WAPL: variants seen among roughly 807,000 people sequenced by gnomAD.
WAPL encodes wings apart-like protein homolog.
WAPL carries 5 observed loss-of-function variants against 121.0 expected under a neutral mutation model. The observed-to-expected ratio is 0.04, with a 90% CI of 0.02 to 0.09. The LOEUF (loss-of-function observed/expected upper bound fraction) is 0.09. Ranked by LOEUF, WAPL falls within the 10% of genes least tolerant of loss-of-function variation. WAPL has a pLI of 1.00. For synonymous variants in WAPL, 480 were observed against 481.5 expected, an observed-to-expected ratio of 1.00 and a Z score of 0.04; for missense variants, 999 against 1,410.8, an observed-to-expected ratio of 0.71 and a Z score of 4.68.
chr10:86,458,927 T>A (rs1336829791), intron 12 of WAPL, 62 bp downstream of exon 12: 27 of 1,374,466 alleles, frequency 2.0e-5, no homozygotes, highest in Non-Finnish European at 2.7e-5. Context: ...TCATTTATGG[T>A]CAATCCAAAT....
intron 17 of WAPL, among the ~76,000 whole-genome samples, chr10:86,440,530 A>C (rs1170851464): frequency 6.6e-6 from 1 of 151,776 alleles, no homozygotes; most frequent in Admixed American, 6.6e-5. Context: ...CGATCTCCTG[A>C]CCTTGTGATC....
intron 4 of WAPL, among the ~76,000 whole-genome samples, chr10:86,481,274 G>A (rs1297035185): frequency 1.3e-5 from 2 of 152,016 alleles, no homozygotes; most frequent in Non-Finnish European, 2.9e-5. Flanking sequence ...TACTGGGGAA[G>A]ATCTACATGA....
At chr10:86,508,013 T>C (rs1400430946) in intron 2 of WAPL, among the ~76,000 whole-genome samples, 2 of 152,178 alleles carry the variant, frequency 1.3e-5, no homozygotes, top group Non-Finnish European at 2.9e-5. Flanking sequence ...TATTCTGTAT[T>C]CTGTCCAGGT....
intron 4 of WAPL, among the ~76,000 whole-genome samples, chr10:86,489,354 C>T (rs1841992688): frequency 6.6e-6 from 1 of 152,170 alleles, no homozygotes; most frequent in African/African-American, 2.4e-5. Context: ...GTGGATTAGA[C>T]AATGGATTAC....
chr10:86,509,151 C>T lies in WAPL; in HGVS notation c.500-8408G>A, dbSNP rs372953786. Among the ~76,000 whole-genome samples the T allele has an allele frequency of 1.5e-3, 228 of 152,278 alleles. 1 individual carries two copies. The highest frequency in any genetic ancestry group is 5.4e-3 in the African/African-American group (223 of 41,560). ...CAGATAATATTTATATACTGAATTT[C>T]GAATTAATTGTCTCTAATCAAGGCT... On this transcript the variant is annotated intron_variant, in intron 2 of 18. Coordinates refer to ENST00000298767, the MANE Select transcript of WAPL (RefSeq NM_015045.5).
rs1589513447 is a variant in WAPL at position 86,472,499 on chromosome 10, T to G, written c.1893+113A>C. On this transcript the variant is annotated intron_variant, in intron 6 of 18. Coordinates refer to ENST00000298767, the MANE Select transcript of WAPL (RefSeq NM_015045.5). This position sits in a 1 kb window ranked among gnomAD's most constrained non-coding sequence, Gnocchi z 4.2. ...GGATGATGGTAGGACAAAAGAAGTT[T>G]GTGGTTCAAAACTGAGTATCAGTAT... is the stretch of plus-strand genomic sequence containing the variant. 4 of 1,516,000 alleles carry G rather than the reference T, an allele frequency of 2.6e-6. No homozygotes were observed. The highest frequency in any genetic ancestry group is 4.6e-5 in the East Asian group (2 of 43,398). The allele number at this position is 1,516,000 out of a possible 1,614,324, so 93.9% of individuals were successfully genotyped here. A position where few individuals can be genotyped will look rare whatever the true frequency, so the allele number is the denominator to read the frequency against.
intron 15 of WAPL, among the ~76,000 whole-genome samples, chr10:86,448,891 A>G (rs998088713): frequency 6.6e-6 from 1 of 152,240 alleles, no homozygotes; most frequent in African/African-American, 2.4e-5. Context: ...CTGGGATTAC[A>G]GATTACAGGC....
At position 86,472,788 on chromosome 10, in the gene WAPL, G is replaced by A; in HGVS notation, c.1741-24C>T. 6.4e-7 allele frequency: 1 copy of A among 1,574,682 alleles called. No individual in the cohort carries two copies. The highest frequency in any genetic ancestry group is 8.6e-7 in the Non-Finnish European group (1 of 1,162,164). ...ACCTATTAATAAAGGTATTAAATTA[G>A]TTGTTCTAAATAAATATATAAAAAT... On this transcript the variant is annotated intron_variant, in intron 5 of 18. Transcript: ENST00000298767. This position sits in a 1 kb window ranked among gnomAD's most constrained non-coding sequence, Gnocchi z 4.2.
chr10:86,467,540 C>T (rs972948763), intron 8 of WAPL, 34 bp from the exon 9 acceptor site: 8 of 1,526,080 alleles, frequency 5.2e-6, no homozygotes, highest in Non-Finnish European at 6.2e-6. Context: ...AGAAAAAAAA[C>T]TTCATGTAAG....
intron 14 of WAPL, 64 bp from the exon 15 acceptor site, chr10:86,452,195 T>TA: frequency 6.7e-7 from 1 of 1,481,608 alleles, no homozygotes; most frequent in Non-Finnish European, 9.1e-7. Context: ...GAACACAATA[T>TA]ACACAATTTT....
intron 2 of WAPL, among the ~76,000 whole-genome samples, chr10:86,515,685 G>A (rs1257972670): frequency 6.6e-6 from 1 of 152,002 alleles, no homozygotes; most frequent in Non-Finnish European, 1.5e-5. Flanking sequence ...GGGAGGCTGA[G>A]GTGGGAGAAT....
At chr10:86,438,080 T>C in intron 17 of WAPL, 65 bp from the exon 18 acceptor site, 1 of 1,256,430 alleles carries the variant, frequency 8.0e-7, no homozygotes, top group Non-Finnish European at 1.1e-6. Context: ...CCTCGTACAA[T>C]GTTGTTGGTT....
chr10:86,459,082 T>C lies in WAPL; in HGVS notation c.2581-17A>G. 6 of 1,592,232 alleles carry C rather than the reference T, an allele frequency of 3.8e-6. No homozygotes were observed. The highest frequency in any genetic ancestry group is 5.1e-6 in the Non-Finnish European group (6 of 1,169,066). On this transcript the variant is annotated splice_polypyrimidine_tract_variant and intron_variant, in intron 11 of 18. Transcript: ENST00000298767. The stretch of plus-strand genomic sequence containing the variant: ...CACAGTTACCTAAAAAGGAAGAATA[T>C]GAAATAATTGTGGCAATCCAAAACT...
At chr10:86,508,740 C>T (rs1401006998) in intron 2 of WAPL, among the ~76,000 whole-genome samples, 1 of 150,246 alleles carries the variant, frequency 6.7e-6, no homozygotes, top group Non-Finnish European at 1.5e-5. Flanking sequence ...TTCTCCCCCT[C>T]CATTAGTATT....
chr10:86,454,413 T>A (rs898428035), intron 12 of WAPL, among the ~76,000 whole-genome samples: 1 of 152,134 alleles, frequency 6.6e-6, no homozygotes, highest in Non-Finnish European at 1.5e-5. Context: ...CTCCACGGTC[T>A]CCCTCTGATG....
Position 86,437,900 on chromosome 10 carries a change from C to T in WAPL, c.3507+20G>A. 1.3e-6 allele frequency: 2 copies of T among 1,536,134 alleles called. No individual in the cohort carries two copies. The highest frequency in any genetic ancestry group is 1.8e-6 in the Non-Finnish European group (2 of 1,111,010). ...TATTATAAATTTAAAATCATATAAG[C>T]TGTAATAAAAGCTACTTACAGTGAG... On this transcript the variant is annotated intron_variant, in intron 18 of 18. Coordinates refer to ENST00000298767, the MANE Select transcript of WAPL (RefSeq NM_015045.5).
intron 4 of WAPL, among the ~76,000 whole-genome samples, chr10:86,478,573 AAATAT>A (rs1841712394): frequency 6.6e-6 from 1 of 151,604 alleles, no homozygotes; most frequent in Non-Finnish European, 1.5e-5. Context: ...TAGTAATCTT[AAATAT>A]ATTATTCTTT....
At chr10:86,485,611 A>C (rs968462011) in intron 4 of WAPL, among the ~76,000 whole-genome samples, 2 of 152,242 alleles carry the variant, frequency 1.3e-5, no homozygotes, top group African/African-American at 4.8e-5. Context: ...TAAAGGAAAA[A>C]AAAGCACAAG....
Position 86,435,305 on chromosome 10 carries a change from CA to C in WAPL, c.*2237del, listed in dbSNP as rs536540369. 139 of 152,618 alleles carry C rather than the reference CA, an allele frequency of 9.1e-4. No homozygotes were observed. The highest frequency in any genetic ancestry group is 1.7e-3 in the Non-Finnish European group (114 of 67,996). The allele number at this position is 152,618 out of a possible 1,614,324, so 9.5% of individuals were successfully genotyped here. ...TGAGTTAAAATTATTTACAAAAACC[CA>C]AAGACATACTTCATGAAACTGGTAC... On this transcript the variant is annotated 3_prime_UTR_variant, in exon 19 of 19. Coordinates refer to ENST00000298767, the MANE Select transcript of WAPL (RefSeq NM_015045.5).
Sources: allele counts gnomAD v4.1 joint callset (sites outside exome capture counted in the v4.1 genomes callset), GRCh38; gene constraint gnomAD v4.1.1; non-coding constraint Gnocchi (gnomAD v3.1); transcripts MANE v1.5; gene names NCBI Gene and HGNC (gene_info 2026-07-23, HGNC 2026-07-21).